MFN2: variants seen among roughly 807,000 people sequenced by gnomAD.
MFN2 encodes the protein mitofusin-2.
A neutral mutation model predicts 87.5 loss-of-function variants in MFN2; 43 were observed. The ratio of observed to expected loss-of-function variants is 0.49; its 90% CI spans 0.38 to 0.63. MFN2 has a LOEUF of 0.63. Among genes scored for constraint, MFN2 ranks in the 30% least tolerant of loss-of-function variants. The probability of loss-of-function intolerance (pLI) is 0.00; values close to 1 mark genes in which losing one functional copy is unlikely to be tolerated. For synonymous variants in MFN2, 337 were observed against 359.9 expected, an observed-to-expected ratio of 0.94 and a Z score of 0.72; for missense variants, 743 against 972.8, an observed-to-expected ratio of 0.76 and a Z score of 3.14.
At position 12,005,862 on chromosome 1, in the gene MFN2, G is replaced by A. The variant is rs1456182906; in HGVS notation, c.1647G>A (p.Trp549Ter). ...TTGAGTTCCATTTCTCTCTCGGATG[G>A]ACCATGCTGGTGAATAGGTTCCTGG... The part of the protein sequence containing the change: ...EDIEFHFSLG[W>*]TMLVNRFLGP... Residue 549 changes from tryptophan to a stop codon, truncating the protein, a stop_gained, in exon 15 of 19, where the codon TGG becomes TGA. Transcript: ENST00000235329. LOFTEE classifies it high-confidence loss of function. 6.2e-7 allele frequency: 1 copy of A among 1,614,180 alleles called. No individual in the cohort carries two copies.
At chr1:11,986,983 T>A (rs1638438233) in intron 2 of MFN2, among the ~76,000 whole-genome samples, 1 of 152,012 alleles carries the variant, frequency 6.6e-6, no homozygotes, top group Non-Finnish European at 1.5e-5. Flanking sequence ...TAGGATTGAG[T>A]GAGAGCAAGA....
intron 5 of MFN2, among the ~76,000 whole-genome samples, chr1:11,997,038 CAAAAA>C (rs35141271): frequency 5.0e-5 from 5 of 99,814 alleles, no homozygotes; most frequent in African/African-American, 7.4e-5. Flanking sequence ...GACTCCGTCT[CAAAAA>C]AAAAAAAAAA....
intron 2 of MFN2, among the ~76,000 whole-genome samples, chr1:11,985,461 T>C (rs945476187): frequency 1.6e-5 from 2 of 126,840 alleles, no homozygotes; most frequent in African/African-American, 7.3e-5. Context: ...ATCCCTTTTT[T>C]TTTTTTTTTT....
chr1:12,012,128 TCA>T lies in MFN2; in HGVS notation c.*564_*565del, dbSNP rs1639722057. On this transcript the variant is annotated 3_prime_UTR_variant, in exon 19 of 19. Transcript: ENST00000235329. The stretch of plus-strand genomic sequence containing the variant: ...CTCAGACACGTCTTGGTGGTGAGGC[TCA>T]GTTACCCCTGGGCTTAGGCTGAGGC... The T allele has an allele frequency of 6.1e-6, 1 of 163,590 alleles. No homozygotes were observed. Among genetic ancestry groups the T allele is most frequent in the Non-Finnish European group, 1.4e-5 (1 of 74,044 alleles). The allele number at this position is 163,590 out of a possible 1,614,324, so 10.1% of individuals were successfully genotyped here.
chr1:12,006,018 T>C (rs1191782928), intron 15 of MFN2, 87 bp downstream of exon 15: 2 of 1,307,236 alleles, frequency 1.5e-6, no homozygotes, highest in African/African-American at 3.0e-5. Flanking sequence ...AAAACGGGGG[T>C]TCCCTAAGGT....
At chr1:11,996,392 T>G (rs983546380) in intron 5 of MFN2, 74 bp downstream of exon 5, 28 of 1,576,390 alleles carry the variant, frequency 1.8e-5, no homozygotes, top group Non-Finnish European at 2.4e-5. Context: ...ACGGCTGACC[T>G]CACCTCTAGG....
At position 11,992,544 on chromosome 1, in the gene MFN2, C is replaced by T; in HGVS notation, c.176-11C>T. 6.2e-7 allele frequency: 1 copy of T among 1,614,126 alleles called. No homozygotes were observed. The highest frequency in any genetic ancestry group is 8.5e-7 in the Non-Finnish European group (1 of 1,180,008). The stretch of plus-strand genomic sequence containing the variant: ...ACCACGTGGTGACCCATTTTCAATC[C>T]CCACCTCCAGACACGTACAGGAATG... On this transcript the variant is annotated splice_polypyrimidine_tract_variant and intron_variant, in intron 3 of 18. Coordinates refer to ENST00000235329, the MANE Select transcript of MFN2 (RefSeq NM_014874.4).
chr1:11,981,485 A>G (rs1251981810), intron 1 of MFN2, among the ~76,000 whole-genome samples: 1 of 152,236 alleles, frequency 6.6e-6, no homozygotes, highest in African/African-American at 2.4e-5. Flanking sequence ...TTGGAGTCAA[A>G]GGGAGCTAAT....
rs12750919 is a variant in MFN2 at position 11,998,100 on chromosome 1, T to A, written c.600-670T>A. ...GGTTTCACCATGTTGGCCAGGCTGG[T>A]CTTGAACTGCTGACCTCATGATCCG... On this transcript the variant is annotated intron_variant, in intron 6 of 18. Coordinates refer to ENST00000235329, the MANE Select transcript of MFN2 (RefSeq NM_014874.4). 2.7e-5 allele frequency among the ~76,000 whole-genome samples: 4 copies of A among 149,624 alleles called. No individual in the cohort carries two copies. In the East Asian group the frequency reaches 8.3e-4, roughly 31 times the overall value.
At chr1:11,993,923 A>G (rs1638801766) in intron 4 of MFN2, among the ~76,000 whole-genome samples, 1 of 152,352 alleles carries the variant, frequency 6.6e-6, no homozygotes, top group South Asian at 2.1e-4. Context: ...CTAACAGCAG[A>G]TAACTTTACA....
chr1:12,000,610 C>T (rs1419256647), intron 8 of MFN2, among the ~76,000 whole-genome samples: 1 of 152,180 alleles, frequency 6.6e-6, no homozygotes, highest in African/African-American at 2.4e-5. Context: ...CTGTCAAAAA[C>T]ACCTGACACG....
chr1:11,986,837 A>G (rs1335703482), intron 2 of MFN2, among the ~76,000 whole-genome samples: 2 of 151,210 alleles, frequency 1.3e-5, no homozygotes, highest in African/African-American at 4.9e-5. Context: ...TGGGCCTCCC[A>G]AAGTGCAGGG....
rs1291955409 is a variant in MFN2, at chr1:12,004,082, G to T, written c.1251G>T (p.Leu417=). The T allele has an allele frequency of 2.5e-6, 4 of 1,614,198 alleles. No individual in the cohort carries two copies. Among genetic ancestry groups the T allele is most frequent in the Non-Finnish European group, 3.4e-6 (4 of 1,180,044 alleles). ...AGCTCTTGGCTCAAGACTATAAGCT[G>T]CGAATTAAGCAGATTACGGAGGAAG... ...QLELLAQDYK[L]RIKQITEEVE... The change falls in exon 12 of 19, where the codon CTG becomes CTT. Residue 417 remains leucine (L), a synonymous_variant. Transcript: ENST00000235329. The surrounding 1 kb of genome is among the most constrained non-coding windows in gnomAD (Gnocchi z 4.2).
rs570662695 is a variant in MFN2 at position 11,993,927 on chromosome 1, C to T, written c.311+1237C>T. On this transcript the variant is annotated intron_variant, in intron 4 of 18. Coordinates refer to ENST00000235329, the MANE Select transcript of MFN2 (RefSeq NM_014874.4). ...AATAATGAAAGCTAACAGCAGATAA[C>T]TTTACAAATAATGGAGTGTGAACCA... Among the ~76,000 whole-genome samples the T allele has an allele frequency of 2.0e-5, 3 of 152,192 alleles. No homozygotes were observed. In the South Asian group the frequency reaches 6.2e-4, roughly 32 times the overall value.
chr1:12,002,808 T>C (rs1639236070), intron 11 of MFN2, among the ~76,000 whole-genome samples: 1 of 152,256 alleles, frequency 6.6e-6, no homozygotes, highest in African/African-American at 2.4e-5. Context: ...CTTGTCCCAG[T>C]GTCACTCTGC....
Position 11,999,870 on chromosome 1 carries a change from G to A in MFN2, c.816+775G>A, listed in dbSNP as rs373729272. Among the ~76,000 whole-genome samples the A allele has an allele frequency of 5.9e-5, 9 of 151,798 alleles. No individual in the cohort carries two copies. The East Asian group carries it at 6.0e-4, about 10-fold the overall frequency. ...AGCACTTTGGGAGGCCGATGTGGGC[G>A]GATCACGAGGTCAGGAGATCGAGAC... On this transcript the variant is annotated intron_variant, in intron 8 of 18. Transcript: ENST00000235329.
Position 12,003,888 on chromosome 1 carries a change from A to C in MFN2, c.1161-104A>C, listed in dbSNP as rs1639286577. 1 of 1,482,430 alleles carries C rather than the reference A, an allele frequency of 6.7e-7. No individual in the cohort carries two copies. Among genetic ancestry groups the C allele is most frequent in the East Asian group, 2.3e-5 (1 of 43,958 alleles). The allele number at this position is 1,482,430 out of a possible 1,614,324, so 91.8% of individuals were successfully genotyped here. A position where few individuals can be genotyped will look rare whatever the true frequency, so the allele number is the denominator to read the frequency against. The stretch of plus-strand genomic sequence containing the variant: ...CTGGGTGCGTGTGTGCAGCCCTGCC[A>C]GGCAAGATAGCGGGCAGGGCGGCGT... On this transcript the variant is annotated intron_variant, in intron 11 of 18. Transcript: ENST00000235329. This position sits in a 1 kb window ranked among gnomAD's most constrained non-coding sequence, Gnocchi z 4.1.
intron 4 of MFN2, among the ~76,000 whole-genome samples, chr1:11,993,733 C>CA (rs34578450): frequency 6.6e-4 from 82 of 123,490 alleles, no homozygotes; most frequent in East Asian, 1.4e-3. Flanking sequence ...GACTCCATCT[C>CA]AAAAAAAAAA....
intron 17 of MFN2, among the ~76,000 whole-genome samples, chr1:12,007,615 G>C (rs537988299): frequency 1.3e-5 from 2 of 152,332 alleles, no homozygotes; most frequent in South Asian, 2.1e-4. Context: ...GGTCAGGTGG[G>C]AATCTATTGC....
Sources: gnomAD v4.1 joint callset for allele counts (sites outside exome capture counted in the v4.1 genomes callset) on GRCh38, gnomAD v4.1.1 for gene constraint, Gnocchi (gnomAD v3.1) non-coding constraint, MANE v1.5 for transcripts, NCBI Gene and HGNC (gene_info 2026-07-23, HGNC 2026-07-21) for gene names.